Variants in CCNH observed in about 807,000 individuals in gnomAD.
The protein encoded by CCNH is cyclin-H.
CCNH carries 31 observed loss-of-function variants against 41.9 expected under a neutral mutation model. That is an observed-to-expected ratio of 0.74 (90% CI 0.56 to 1.00). The LOEUF (loss-of-function observed/expected upper bound fraction) is 1.00. Among genes scored for constraint, CCNH ranks in the 50% least tolerant of loss-of-function variants. The pLI is 0.00. For missense variants in CCNH, 362 were observed against 388.4 expected, an observed-to-expected ratio of 0.93 and a Z score of 0.57; for synonymous variants, 138 against 136.1, an observed-to-expected ratio of 1.01 and a Z score of -0.10.
At chr5:87,399,872 C>T (rs1763266170) in intron 6 of CCNH, among the ~76,000 whole-genome samples, 1 of 152,128 alleles carries the variant, frequency 6.6e-6, no homozygotes, top group South Asian at 2.1e-4. Flanking sequence ...CAACCATCTT[C>T]GTAGTATTCT....
At chr5:87,314,026 A>C (rs1411032064), downstream of CCNH, among the ~76,000 whole-genome samples, 1 of 151,528 alleles carries the variant, frequency 6.6e-6, no homozygotes, top group Non-Finnish European at 1.5e-5. Context: ...AAAATGAGCC[A>C]GGCGTGGTGG....
intron 9 of CCNH, among the ~76,000 whole-genome samples, chr5:87,369,280 A>G (rs1270434594): frequency 1.3e-5 from 2 of 152,212 alleles, no homozygotes; most frequent in East Asian, 1.9e-4. Context: ...TACTAAAGGA[A>G]GACAAGAACA....
rs1050523627 is a variant in CCNH, at chr5:87,412,884, G to C, written c.-90C>G. On this transcript the variant is annotated 5_prime_UTR_variant, in exon 1 of 9. It adds an upstream start codon to the 5' untranslated region. Transcript: ENST00000256897. ...GTAAAACACCCGTACCCCCACCGAA[G>C]ATCTCGCGGAAGCCTAGGGCGTCCG... is the stretch of plus-strand genomic sequence containing the variant. The C allele has an allele frequency of 5.2e-6, 8 of 1,546,734 alleles. No individual in the cohort carries two copies. In the Admixed American group the frequency reaches 5.5e-5, roughly 11 times the overall value.
At chr5:87,400,577 C>G (rs1282659108) in intron 6 of CCNH, among the ~76,000 whole-genome samples, 1 of 151,872 alleles carries the variant, frequency 6.6e-6, no homozygotes, top group Non-Finnish European at 1.5e-5. Flanking sequence ...AGCCATCATT[C>G]TCAAAGGAAG....
rs1303157542 is a variant in CCNH, at chr5:87,412,838, C to T, written c.-44G>A. On this transcript the variant is annotated 5_prime_UTR_variant, in exon 1 of 9. Transcript: ENST00000256897. The stretch of plus-strand genomic sequence containing the variant: ...TCCAGAGGGTCTGCAGACGAGAACC[C>T]AAACGCATCAGCGTCCTGGCGTAAA... 6.3e-7 allele frequency: 1 copy of T among 1,595,998 alleles called. No homozygotes were observed. The highest frequency in any genetic ancestry group is 1.1e-5 in the South Asian group (1 of 90,658).
downstream of CCNH, chr5:87,372,313 A>G (rs747115127): frequency 8.7e-5 from 78 of 892,282 alleles, no homozygotes; most frequent in Non-Finnish European, 1.2e-4. Context: ...CCATGCTGCC[A>G]CTTGCTTCAG....
At chr5:87,405,535 T>C (rs940195787) in intron 4 of CCNH, among the ~76,000 whole-genome samples, 2 of 152,096 alleles carry the variant, frequency 1.3e-5, no homozygotes, top group African/African-American at 4.8e-5. Flanking sequence ...TCCTCAGATA[T>C]CCATATGCAA....
chr5:87,334,028 T>C (rs1757778380), intron 9 of CCNH, among the ~76,000 whole-genome samples: 1 of 152,222 alleles, frequency 6.6e-6, no homozygotes. Context: ...TGTAAGTGTG[T>C]TTCATGTAAC....
chr5:87,345,907 T>C (rs1264213057), intron 9 of CCNH, among the ~76,000 whole-genome samples: 2 of 152,120 alleles, frequency 1.3e-5, no homozygotes, highest in African/African-American at 4.8e-5. Flanking sequence ...AGATAGATAA[T>C]AGGCCTTTAG....
intron 9 of CCNH, among the ~76,000 whole-genome samples, chr5:87,365,529 G>A (rs1760448826): frequency 6.6e-6 from 1 of 151,894 alleles, no homozygotes; most frequent in Non-Finnish European, 1.5e-5. Flanking sequence ...AGTTAAAATT[G>A]TTTTAATTAT....
intron 4 of CCNH, among the ~76,000 whole-genome samples, chr5:87,406,932 C>T (rs1048412027): frequency 2.0e-5 from 3 of 152,198 alleles, no homozygotes; most frequent in Admixed American, 6.5e-5. Context: ...ATGCCACTCT[C>T]TAAATTTAAA....
At chr5:87,404,706 C>T in intron 5 of CCNH, 138 bp downstream of exon 5, 1 of 664,290 alleles carries the variant, frequency 1.5e-6, no homozygotes, top group Non-Finnish European at 2.5e-6. Flanking sequence ...TAAAGATTTC[C>T]TCAAAAGGCA....
At chr5:87,330,138 G>GCT (rs1757504441) in intron 9 of CCNH, among the ~76,000 whole-genome samples, 2 of 151,992 alleles carry the variant, frequency 1.3e-5, no homozygotes, top group Admixed American at 1.3e-4. Flanking sequence ...TATGCATAGG[G>GCT]CTCTAAATAA....
chr5:87,338,182 C>T (rs945538654), intron 9 of CCNH: 1 of 1,569,388 alleles, frequency 6.4e-7, no homozygotes, highest in Non-Finnish European at 8.7e-7. Flanking sequence ...GCTATGAATA[C>T]ATTTCTTTTA....
rs1280709511 is a variant in CCNH at position 87,412,764 on chromosome 5, A to G, written c.31T>C (p.Trp11Arg). 1 of 1,614,226 alleles carries G rather than the reference A, an allele frequency of 6.2e-7. No individual in the cohort carries two copies. The highest frequency in any genetic ancestry group is 1.1e-5 in the South Asian group (1 of 91,074). ...AGCTGCTCCTCGCTGGAGAAGGTCC[A>G]GTGCCGCTTCTGACTACTGTTGTGG... MYHNSSQKRH[W>R]TFSSEEQLAR... The change falls in exon 1 of 9, where the codon TGG becomes CGG. Residue 11 changes from tryptophan to arginine, a missense_variant. By Grantham distance (101) the Trp-to-Arg change is moderately radical (BLOSUM62 -3). Coordinates refer to ENST00000256897, the MANE Select transcript of CCNH (RefSeq NM_001239.4).
intron 9 of CCNH, chr5:87,331,348 G>C (rs1242822931): frequency 6.2e-7 from 1 of 1,601,840 alleles, no homozygotes; most frequent in Non-Finnish European, 8.6e-7. Context: ...TTTCCCCTAG[G>C]TGGTATCACG....
chr5:87,390,641 G>A (rs1762441769), downstream of CCNH, among the ~76,000 whole-genome samples: 1 of 152,082 alleles, frequency 6.6e-6, no homozygotes, highest in Admixed American at 6.6e-5. Context: ...GAAATACTCA[G>A]CCAATGACTG....
downstream of CCNH, among the ~76,000 whole-genome samples, chr5:87,373,989 G>C (rs1445452742): frequency 6.6e-6 from 1 of 151,416 alleles, no homozygotes; most frequent in Non-Finnish European, 1.5e-5. Flanking sequence ...TTAAATGTCT[G>C]AATGTTTTAA....
At chr5:87,398,927 C>T (rs1430704676) in intron 7 of CCNH, among the ~76,000 whole-genome samples, 1 of 150,982 alleles carries the variant, frequency 6.6e-6, no homozygotes, top group Non-Finnish European at 1.5e-5. Context: ...GAGCTGAGAT[C>T]GCGCCACTGC....
Sources: gnomAD v4.1 joint callset for allele counts (sites outside exome capture counted in the v4.1 genomes callset) on GRCh38, gnomAD v4.1.1 for gene constraint, MANE v1.5 for transcripts, NCBI Gene and HGNC (gene_info 2026-07-23, HGNC 2026-07-21) for gene names.